Variants in ADTRP observed in about 807,000 individuals in gnomAD.
ADTRP encodes androgen-dependent TFPI-regulating protein.
ADTRP carries 20 observed loss-of-function variants against 27.0 expected under a neutral mutation model. The observed-to-expected ratio is 0.74, with a 90% CI of 0.52 to 1.08. ADTRP has a LOEUF of 1.08. Ranked by LOEUF, ADTRP falls within the 50% of genes least tolerant of loss-of-function variation. The pLI is 0.00. For missense variants in ADTRP, 251 were observed against 275.0 expected, an observed-to-expected ratio of 0.91 and a Z score of 0.62; for synonymous variants, 101 against 105.2, an observed-to-expected ratio of 0.96 and a Z score of 0.25.
chr6:11,715,039 G>A (rs2113862641), intron 5 of ADTRP, among the ~76,000 whole-genome samples: 2 of 152,268 alleles, frequency 1.3e-5, no homozygotes, highest in African/African-American at 4.8e-5. Flanking sequence ...TGAAATTATA[G>A]CATTAGATTT....
chr6:11,736,240 C>T (rs1373179203), intron 3 of ADTRP: 1 of 158,740 alleles, frequency 6.3e-6, no homozygotes. Flanking sequence ...CACACACACG[C>T]ACACACACTC....
At chr6:11,762,191 T>A (rs545618601) in intron 3 of ADTRP, among the ~76,000 whole-genome samples, 5 of 152,238 alleles carry the variant, frequency 3.3e-5, no homozygotes, top group Non-Finnish European at 5.9e-5. Flanking sequence ...TCAAAGGCCA[T>A]CCAGGCCAAC....
At chr6:11,752,841 G>A (rs776877096) in intron 3 of ADTRP, among the ~76,000 whole-genome samples, 3 of 152,178 alleles carry the variant, frequency 2.0e-5, no homozygotes, top group Non-Finnish European at 2.9e-5. Flanking sequence ...GGGTGGCTCC[G>A]GGTTTATCCC....
chr6:11,731,946 A>T (rs1002310890), intron 4 of ADTRP, among the ~76,000 whole-genome samples: 1 of 152,234 alleles, frequency 6.6e-6, no homozygotes, highest in Non-Finnish European at 1.5e-5. Context: ...AATAAAAACC[A>T]GCAGAAGGAA....
intron 3 of ADTRP, among the ~76,000 whole-genome samples, chr6:11,750,816 T>C (rs569697027): frequency 6.6e-6 from 1 of 152,346 alleles, no homozygotes; most frequent in Non-Finnish European, 1.5e-5. Context: ...TCTGACCTCC[T>C]GCACATGATC....
intron 5 of ADTRP, chr6:11,717,375 A>G: frequency 7.7e-7 from 1 of 1,304,334 alleles, no homozygotes; most frequent in South Asian, 1.2e-5. Flanking sequence ...GCAGATTCCA[A>G]CAGATTCTAG....
chr6:11,774,215 A>G (rs1451745020), intron 1 of ADTRP, among the ~76,000 whole-genome samples: 4 of 152,092 alleles, frequency 2.6e-5, no homozygotes, highest in Non-Finnish European at 5.9e-5. Flanking sequence ...AGGCTGAGGC[A>G]GGAGAATTAC....
chr6:11,741,340 C>T (rs548560853), intron 3 of ADTRP, among the ~76,000 whole-genome samples: 13 of 152,210 alleles, frequency 8.5e-5, no homozygotes, highest in Non-Finnish European at 1.8e-4. Context: ...GGTAGGTGAC[C>T]CAGCTGTTCA....
At chr6:11,762,676 A>G (rs890274507) in intron 3 of ADTRP, among the ~76,000 whole-genome samples, 4 of 152,232 alleles carry the variant, frequency 2.6e-5, no homozygotes, top group Non-Finnish European at 5.9e-5. Flanking sequence ...GTTTTACATG[A>G]GAATACCTTA....
At chr6:11,766,540 A>AT (rs1217018502) in intron 2 of ADTRP, among the ~76,000 whole-genome samples, 165 bp from the exon 3 acceptor site, 1 of 152,230 alleles carries the variant, frequency 6.6e-6, no homozygotes, top group African/African-American at 2.4e-5. Flanking sequence ...TAATTCTACA[A>AT]TAAGCATTCT....
At chr6:11,766,760 T>C (rs982676583) in intron 2 of ADTRP, among the ~76,000 whole-genome samples, 1 of 152,188 alleles carries the variant, frequency 6.6e-6, no homozygotes, top group Non-Finnish European at 1.5e-5. Context: ...GCTTGAGTCA[T>C]ACACGTTCCT....
At chr6:11,754,087 A>T (rs1763136588) in intron 3 of ADTRP, among the ~76,000 whole-genome samples, 1 of 152,176 alleles carries the variant, frequency 6.6e-6, no homozygotes, top group Admixed American at 6.5e-5. Flanking sequence ...AATCCCTAAG[A>T]TCAGTGATCT....
intron 4 of ADTRP, among the ~76,000 whole-genome samples, chr6:11,735,327 G>A (rs1762514771): frequency 6.6e-6 from 1 of 152,246 alleles, no homozygotes; most frequent in Non-Finnish European, 1.5e-5. Flanking sequence ...TCACGAGAGA[G>A]AGAGGGGAAG....
At chr6:11,716,218 T>G (rs926340328) in intron 5 of ADTRP, among the ~76,000 whole-genome samples, 3 of 152,216 alleles carry the variant, frequency 2.0e-5, no homozygotes, top group Non-Finnish European at 4.4e-5. Flanking sequence ...TTATCCATGT[T>G]GTTTACCAAT....
chr6:11,733,165 T>G (rs768873306), intron 4 of ADTRP, among the ~76,000 whole-genome samples: 40 of 152,254 alleles, frequency 2.6e-4, no homozygotes, highest in Non-Finnish European at 5.1e-4. Context: ...TTATCATCAG[T>G]TGGCTAACAT....
chr6:11,748,891 G>A (rs1762951490), intron 3 of ADTRP, among the ~76,000 whole-genome samples: 1 of 152,228 alleles, frequency 6.6e-6, no homozygotes, highest in African/African-American at 2.4e-5. Flanking sequence ...GCAGCATTAA[G>A]CAGGGCCCAG....
At chr6:11,775,776 C>G (rs1439676422) in intron 1 of ADTRP, among the ~76,000 whole-genome samples, 1 of 152,158 alleles carries the variant, frequency 6.6e-6, no homozygotes, top group African/African-American at 2.4e-5. Flanking sequence ...TGGGGCAATG[C>G]TCACAGTGCC....
At chr6:11,722,660 C>A (rs1762054890) in intron 5 of ADTRP, among the ~76,000 whole-genome samples, 1 of 151,970 alleles carries the variant, frequency 6.6e-6, no homozygotes, top group African/African-American at 2.4e-5. Context: ...AGAGAGGAAG[C>A]AGGAAGGAGA....
chr6:11,723,260 T>G, intron 5 of ADTRP, 89 bp downstream of exon 5: 1 of 1,498,228 alleles, frequency 6.7e-7, no homozygotes. Flanking sequence ...TGCTTCTGTT[T>G]GCGGCTAGTT....
Sources: gnomAD v4.1 joint callset for allele counts (sites outside exome capture counted in the v4.1 genomes callset) on GRCh38, gnomAD v4.1.1 for gene constraint, MANE v1.5 for transcripts, NCBI Gene and HGNC (gene_info 2026-07-23, HGNC 2026-07-21) for gene names.